THUMPD2: variants seen among roughly 807,000 people sequenced by gnomAD.
The protein encoded by THUMPD2 is THUMP domain 2 tRNA and snRNA guanosine methyltransferase, also known as U6 snRNA (guanine-N(2))-methyltransferase THUMPD2.
In THUMPD2, 56 loss-of-function variants were observed where a neutral mutation model predicts 49.4. The observed-to-expected ratio is 1.13, with a 90% CI of 0.91 to 1.41. THUMPD2 has a LOEUF of 1.41. THUMPD2 is among the 40% of genes most tolerant of loss of function. The pLI is 0.00. For synonymous variants in THUMPD2, 237 were observed against 205.2 expected, an observed-to-expected ratio of 1.15 and a Z score of -1.32; for missense variants, 709 against 594.5, an observed-to-expected ratio of 1.19 and a Z score of -2.00.
chr2:39,749,946 T>G (rs1675168199), intron 8 of THUMPD2, among the ~76,000 whole-genome samples: 2 of 152,256 alleles, frequency 1.3e-5, no homozygotes, highest in African/African-American at 4.8e-5. Context: ...TTTTTATGTT[T>G]ACACAGTATT....
At chr2:39,776,874 A>G (rs764548113) in intron 1 of THUMPD2, among the ~76,000 whole-genome samples, 13 of 152,032 alleles carry the variant, frequency 8.6e-5, no homozygotes, top group Non-Finnish European at 1.6e-4. Flanking sequence ...CTAAAAGAAA[A>G]CCTTTTGGGG....
intron 5 of THUMPD2, among the ~76,000 whole-genome samples, chr2:39,762,510 A>G (rs917549874): frequency 6.6e-6 from 1 of 152,098 alleles, no homozygotes; most frequent in Non-Finnish European, 1.5e-5. Context: ...GAAGTTCTAC[A>G]TGGCAAACCC....
intron 8 of THUMPD2, among the ~76,000 whole-genome samples, chr2:39,746,995 A>T (rs913324658): frequency 6.6e-6 from 1 of 152,188 alleles, no homozygotes; most frequent in African/African-American, 2.4e-5. Flanking sequence ...CCTTATCACT[A>T]ATCATTTTGC....
At chr2:39,744,344 T>C (rs1270752103) in intron 9 of THUMPD2, 26 bp downstream of exon 9, 1 of 1,452,640 alleles carries the variant, frequency 6.9e-7, no homozygotes, top group Non-Finnish European at 9.3e-7. Context: ...GCTAAAAAAA[T>C]TATGAAAATA....
chr2:39,771,595 A>T lies in THUMPD2; in HGVS notation c.172T>A (p.Leu58Met), dbSNP rs754624780. The change falls in exon 2 of 10, where the codon TTG (leucine) becomes ATG (methionine). Residue 58 changes from leucine to methionine, a missense_variant. Leu to Met is a conservative substitution (Grantham distance 15). Coordinates refer to ENST00000505747, the MANE Select transcript of THUMPD2 (RefSeq NM_025264.5). Reference sequence around the variant, plus strand: ...GATTTTAATTTCTTCAACATATTCAAATCAGAACAGGTGGTGAAAAAAACC... The same window carrying T: ...GATTTTAATTTCTTCAACATATTCATATCAGAACAGGTGGTGAAAAAAACC... The part of the protein sequence containing the change: ...GKVFFTTCSD[L>M]NMLKKLKSAE... 3.4e-5 allele frequency: 55 copies of T among 1,605,838 alleles called. No individual in the cohort carries two copies. Among genetic ancestry groups the T allele is most frequent in the Non-Finnish European group, 4.5e-5 (53 of 1,177,868 alleles).
intron 9 of THUMPD2, among the ~76,000 whole-genome samples, chr2:39,739,008 A>C (rs1673539955): frequency 6.6e-6 from 1 of 152,228 alleles, no homozygotes; most frequent in Non-Finnish European, 1.5e-5. Flanking sequence ...CAGCAAAGCT[A>C]GACAATTCTG....
At chr2:39,762,042 C>T (rs1204598367) in intron 5 of THUMPD2, among the ~76,000 whole-genome samples, 1 of 152,180 alleles carries the variant, frequency 6.6e-6, no homozygotes, top group African/African-American at 2.4e-5. Context: ...ATGCCACTAT[C>T]ACATCAATGT....
At chr2:39,779,079 C>G (rs891034057) in intron 1 of THUMPD2, 35 bp downstream of exon 1, 4 of 1,484,854 alleles carry the variant, frequency 2.7e-6, no homozygotes, top group Non-Finnish European at 3.6e-6. Context: ...GACAGGGCCG[C>G]CCACCTCCCC....
At chr2:39,768,384 T>C in intron 4 of THUMPD2, 40 bp downstream of exon 4, 1 of 1,481,426 alleles carries the variant, frequency 6.8e-7, no homozygotes, top group Non-Finnish European at 9.4e-7. Context: ...CTTTAAAGAA[T>C]TAGGTTACAA....
chr2:39,756,002 T>C (rs1403428316), intron 6 of THUMPD2, 42 bp from the exon 7 acceptor site: 18 of 1,538,956 alleles, frequency 1.2e-5, no homozygotes, highest in Middle Eastern at 1.7e-4. Context: ...AAGACTACCA[T>C]AGTACGTACT....
intron 9 of THUMPD2, among the ~76,000 whole-genome samples, chr2:39,743,576 C>T (rs146710074): frequency 6.6e-6 from 1 of 152,240 alleles, no homozygotes; most frequent in Non-Finnish European, 1.5e-5. Flanking sequence ...AATGCCCTCC[C>T]TGTGAGGGGT....
intron 5 of THUMPD2, among the ~76,000 whole-genome samples, chr2:39,761,693 CAT>C (rs887524624): frequency 6.6e-5 from 10 of 152,242 alleles, no homozygotes; most frequent in East Asian, 5.8e-4. Context: ...TGTAATTACA[CAT>C]GAGGAAAATC....
chr2:39,745,644 G>C (rs745769323), intron 8 of THUMPD2, among the ~76,000 whole-genome samples: 7 of 152,164 alleles, frequency 4.6e-5, no homozygotes, highest in Non-Finnish European at 1.0e-4. Flanking sequence ...TACACACACA[G>C]TACCTACGTA....
chr2:39,770,267 A>T (rs1324188615), intron 2 of THUMPD2, 148 bp from the exon 3 acceptor site: 3 of 563,046 alleles, frequency 5.3e-6, no homozygotes, highest in African/African-American at 2.0e-5. Context: ...TTTGGAGTTC[A>T]TATTCCATTT....
At chr2:39,747,059 C>T (rs183023802) in intron 8 of THUMPD2, among the ~76,000 whole-genome samples, 53 of 152,294 alleles carry the variant, frequency 3.5e-4, no homozygotes, top group Non-Finnish European at 5.9e-4. Flanking sequence ...GGATTAAATA[C>T]TTTTCCCCAA....
At chr2:39,751,297 C>G (rs908665181) in intron 8 of THUMPD2, among the ~76,000 whole-genome samples, 3 of 152,186 alleles carry the variant, frequency 2.0e-5, no homozygotes, top group African/African-American at 7.2e-5. Context: ...TTATGGGTGT[C>G]CTGAAAAAAG....
intron 3 of THUMPD2, chr2:39,769,109 AC>A: frequency 1.5e-6 from 2 of 1,303,320 alleles, no homozygotes; most frequent in Non-Finnish European, 2.0e-6. Flanking sequence ...CAGAGTAGCC[AC>A]TGAATAAGCA....
chr2:39,763,323 G>T (rs1677074004), intron 5 of THUMPD2, among the ~76,000 whole-genome samples: 1 of 151,938 alleles, frequency 6.6e-6, no homozygotes, highest in African/African-American at 2.4e-5. Context: ...AAAGTCAACA[G>T]GTATAAACTG....
chr2:39,740,778 C>T (rs1673788512), intron 9 of THUMPD2, among the ~76,000 whole-genome samples: 1 of 151,938 alleles, frequency 6.6e-6, no homozygotes, highest in South Asian at 2.1e-4. Context: ...TTGATCGCAG[C>T]CCACTGCAGC....
Sources: allele counts gnomAD v4.1 joint callset (sites outside exome capture counted in the v4.1 genomes callset), GRCh38; gene constraint gnomAD v4.1.1; transcripts MANE v1.5; gene names NCBI Gene and HGNC (gene_info 2026-07-23, HGNC 2026-07-21).